MED6: variants seen among roughly 807,000 people sequenced by gnomAD.
MED6 encodes the protein mediator complex subunit 6.
In MED6, 33 loss-of-function variants were observed where a neutral mutation model predicts 37.5. That is an observed-to-expected ratio of 0.88 (90% CI 0.67 to 1.18). The LOEUF is 1.18. Ranked by LOEUF, MED6 falls within the 50% of genes most tolerant of loss-of-function variation. The pLI is 0.00. For synonymous variants in MED6, 94 were observed against 93.6 expected (o/e 1.00, Z -0.02); for missense variants, 235 against 290.6 (o/e 0.81, Z 1.39).
intron 3 of MED6, among the ~76,000 whole-genome samples, chr14:70,594,007 T>C (rs1884966685): frequency 6.6e-6 from 1 of 152,214 alleles, no homozygotes; most frequent in Non-Finnish European, 1.5e-5. Context: ...GGTTCTAAGG[T>C]TCTCTTTTAC....
intron 6 of MED6, 55 bp from the exon 7 acceptor site, chr14:70,585,838 G>A: frequency 6.1e-6 from 9 of 1,481,126 alleles, no homozygotes; most frequent in Non-Finnish European, 8.3e-6. Flanking sequence ...AAGAAAACAG[G>A]TCAACTTGGC....
At chr14:70,595,296 T>A in intron 3 of MED6, 1 of 547,456 alleles carries the variant, frequency 1.8e-6, no homozygotes, top group Non-Finnish European at 3.6e-6. Flanking sequence ...ACAGGAGACA[T>A]CCTAATACGA....
Position 70,589,314 on chromosome 14 carries a change from T to C in MED6, c.582+1952A>G, listed in dbSNP as rs144097756. On this transcript the variant is annotated intron_variant, in intron 6 of 7. Transcript: ENST00000256379. ...GCCACAGAATTCAAGTTTTCCACAA[T>C]TTAAGTGCCCTGACTCCAAACTTCA... Among the ~76,000 whole-genome samples the C allele has an allele frequency of 6.4e-4, 98 of 152,248 alleles. 2 individuals carry two copies. The East Asian group carries it at 0.014, about 22-fold the overall frequency.
At chr14:70,585,884 G>T in intron 6 of MED6, 101 bp from the exon 7 acceptor site, 1 of 857,978 alleles carries the variant, frequency 1.2e-6, no homozygotes, top group Non-Finnish European at 1.8e-6. Context: ...TTAATAAAAT[G>T]AAAGCTTCAT....
chr14:70,600,070 G>A (rs1366958870), intron 1 of MED6, among the ~76,000 whole-genome samples: 1 of 151,980 alleles, frequency 6.6e-6, no homozygotes, highest in Non-Finnish European at 1.5e-5. Flanking sequence ...CAATATTTGA[G>A]TACTTCTGCA....
intron 1 of MED6, 144 bp from the exon 2 acceptor site, chr14:70,597,921 CAG>C (rs1358026130): frequency 3.5e-5 from 18 of 508,936 alleles, no homozygotes; most frequent in Non-Finnish European, 1.6e-5. Flanking sequence ...CATGATGTAA[CAG>C]AAGAGATTAT....
chr14:70,589,906 C>A (rs1884820750), intron 6 of MED6, among the ~76,000 whole-genome samples: 1 of 152,112 alleles, frequency 6.6e-6, no homozygotes, highest in Admixed American at 6.5e-5. Flanking sequence ...CACGACTGTT[C>A]AAAAGAAATG....
In MED6 at chr14:70,600,597, A is replaced by G. The variant is rs899301741; in HGVS notation, c.22+19T>C. ...GGTCCACAGACAATCAAGAGACAAA[A>G]TATAGCAATACAGTATACCTCGGAT... On this transcript the variant is annotated intron_variant, in intron 1 of 7. Transcript: ENST00000256379. 1 of 1,613,336 alleles carries G rather than the reference A, an allele frequency of 6.2e-7. No homozygotes were observed. The highest frequency in any genetic ancestry group is 1.3e-5 in the African/African-American group (1 of 74,756).
intron 5 of MED6, among the ~76,000 whole-genome samples, chr14:70,592,134 T>G (rs924384851): frequency 6.6e-5 from 10 of 152,250 alleles, no homozygotes; most frequent in African/African-American, 2.4e-4. Context: ...GCTGTTTCCC[T>G]CAGTAATTTA....
chr14:70,589,000 C>CG (rs1201948478), intron 6 of MED6, among the ~76,000 whole-genome samples: 2 of 151,648 alleles, frequency 1.3e-5, no homozygotes, highest in African/African-American at 4.8e-5. Flanking sequence ...TAGCCAGGGG[C>CG]GGGGAAAAAA....
chr14:70,587,288 C>T (rs1281332714), intron 6 of MED6, among the ~76,000 whole-genome samples: 1 of 152,104 alleles, frequency 6.6e-6, no homozygotes. Context: ...CTATATACAT[C>T]CTTGCTATAT....
intron 3 of MED6, chr14:70,594,538 C>A: frequency 2.7e-6 from 1 of 376,846 alleles, no homozygotes; most frequent in South Asian, 2.5e-5. Context: ...CTCTCACTCT[C>A]CTCCCCAGAC....
Position 70,584,256 on chromosome 14 carries a change from T to C in MED6, c.*557A>G. The C allele has an allele frequency of 1.4e-6, 1 of 690,566 alleles. No homozygotes were observed. Among genetic ancestry groups the C allele is most frequent in the South Asian group, 1.6e-5 (1 of 60,638 alleles). 42.8% of individuals were successfully genotyped at this position (690,566 alleles called of 1,614,324 possible). On this transcript the variant is annotated 3_prime_UTR_variant, in exon 8 of 8. Coordinates refer to ENST00000256379, the MANE Select transcript of MED6 (RefSeq NM_005466.4). Reference sequence around the variant, plus strand: ...GAAGCAATATATACAAATACCTTTATTTTGCTTTTAAACATATCTACCAGT... The same window carrying C: ...GAAGCAATATATACAAATACCTTTACTTTGCTTTTAAACATATCTACCAGT...
Position 70,591,247 on chromosome 14 carries a change from C to T in MED6, c.582+19G>A. 6.4e-7 allele frequency: 1 copy of T among 1,552,464 alleles called. No individual in the cohort carries two copies. Among genetic ancestry groups the T allele is most frequent in the African/African-American group, 1.4e-5 (1 of 73,374 alleles). On this transcript the variant is annotated intron_variant, in intron 6 of 7. Coordinates refer to ENST00000256379, the MANE Select transcript of MED6 (RefSeq NM_005466.4). ...TAAAGAAGTGTCAAATCAAGATTAACCACACATATTCTCATTACCTGCACA... is the reference window on the plus strand; with the variant it reads ...TAAAGAAGTGTCAAATCAAGATTAATCACACATATTCTCATTACCTGCACA...
intron 6 of MED6, among the ~76,000 whole-genome samples, chr14:70,587,411 A>C (rs2139589501): frequency 6.6e-6 from 1 of 152,320 alleles, no homozygotes; most frequent in South Asian, 2.1e-4. Flanking sequence ...CACATATCAC[A>C]TTATCTTGTG....
chr14:70,597,778 C>A lies in MED6; in HGVS notation c.23-1G>T. 1.3e-6 allele frequency: 2 copies of A among 1,537,982 alleles called. No individual in the cohort carries two copies. Among genetic ancestry groups the A allele is most frequent in the Non-Finnish European group, 1.7e-6 (2 of 1,155,282 alleles). On this transcript the variant is annotated splice_acceptor_variant, in intron 1 of 7. Transcript: ENST00000256379. LOFTEE classifies it high-confidence loss of function. ...ACCCAAGAAATTCCCAGCAGATTGT[C>A]TATGGGAAAGAAAACAAAATGATAA...
At chr14:70,596,449 C>T in intron 3 of MED6, 162 bp downstream of exon 3, 2 of 547,860 alleles carry the variant, frequency 3.7e-6, no homozygotes, top group Non-Finnish European at 6.5e-6. Flanking sequence ...GTAAGTACAA[C>T]CATATGCTAA....
At chr14:70,592,100 T>C (rs1884888556) in intron 5 of MED6, among the ~76,000 whole-genome samples, 2 of 152,368 alleles carry the variant, frequency 1.3e-5, no homozygotes, top group African/African-American at 2.4e-5. Context: ...ATTAAGAAGA[T>C]ACAGGTCTGA....
chr14:70,588,331 C>T (rs1217046472), intron 6 of MED6, among the ~76,000 whole-genome samples: 2 of 151,988 alleles, frequency 1.3e-5, no homozygotes, highest in Non-Finnish European at 2.9e-5. Flanking sequence ...GTGGCTAAAC[C>T]TTTAAAAGAA....
Sources: gnomAD v4.1 joint callset for allele counts (sites outside exome capture counted in the v4.1 genomes callset) on GRCh38, gnomAD v4.1.1 for gene constraint, MANE v1.5 for transcripts, NCBI Gene and HGNC (gene_info 2026-07-23, HGNC 2026-07-21) for gene names.